Variants in ARHGAP28 observed in about 807,000 individuals in gnomAD.
ARHGAP28 encodes rho GTPase-activating protein 28.
ARHGAP28 carries 56 observed loss-of-function variants against 90.7 expected under a neutral mutation model. The ratio of observed to expected loss-of-function variants is 0.62; its 90% CI spans 0.50 to 0.77. ARHGAP28 has a LOEUF of 0.77. ARHGAP28 is among the 30% of genes least tolerant of loss of function. The pLI, the probability that ARHGAP28 is intolerant of heterozygous loss-of-function variation, is 0.00. For missense variants in ARHGAP28, 869 were observed against 900.9 expected, an observed-to-expected ratio of 0.96 and a Z score of 0.45; for synonymous variants, 308 against 323.3, an observed-to-expected ratio of 0.95 and a Z score of 0.51.
intron 1 of ARHGAP28, among the ~76,000 whole-genome samples, chr18:6,760,400 C>G (rs1339787034): frequency 6.6e-6 from 1 of 152,098 alleles, no homozygotes; most frequent in African/African-American, 2.4e-5. Context: ...AAGAAACAAA[C>G]TCAGAATTCA....
intron 9 of ARHGAP28, among the ~76,000 whole-genome samples, chr18:6,874,045 G>A (rs763147722): frequency 6.6e-6 from 1 of 152,088 alleles, no homozygotes; most frequent in Non-Finnish European, 1.5e-5. Flanking sequence ...TCTGACCCAG[G>A]GCACGAACAG....
At chr18:6,839,965 T>C (rs540523765) in intron 3 of ARHGAP28, among the ~76,000 whole-genome samples, 17 of 152,306 alleles carry the variant, frequency 1.1e-4, no homozygotes, top group Admixed American at 5.2e-4. Context: ...CTTTTAAGCA[T>C]TCAGATATGG....
At chr18:6,883,428 G>A (rs575441255) in intron 11 of ARHGAP28, among the ~76,000 whole-genome samples, 7 of 151,984 alleles carry the variant, frequency 4.6e-5, no homozygotes, top group South Asian at 2.1e-4. Flanking sequence ...TAGTAGAGAC[G>A]GGGTTTCGCC....
At chr18:6,809,326 G>A (rs2056540230) in intron 1 of ARHGAP28, among the ~76,000 whole-genome samples, 1 of 152,086 alleles carries the variant, frequency 6.6e-6, no homozygotes. Flanking sequence ...CTACGTACCT[G>A]CACAAATGAC....
At chr18:6,886,312 A>G (rs908902092) in intron 11 of ARHGAP28, among the ~76,000 whole-genome samples, 10 of 152,180 alleles carry the variant, frequency 6.6e-5, no homozygotes, top group African/African-American at 2.4e-4. Context: ...TGAAGAAAAT[A>G]CAGAGGGACA....
intron 1 of ARHGAP28, chr18:6,730,179 A>G (rs1003324497): frequency 3.1e-6 from 1 of 323,556 alleles, no homozygotes; most frequent in African/African-American, 2.7e-5. Flanking sequence ...ATTAGCAAGC[A>G]GCAGGATTGC....
At position 6,742,046 on chromosome 18, in the gene ARHGAP28, A is replaced by G. The variant is rs2055982212; in HGVS notation, c.122+12103A>G. Among the ~76,000 whole-genome samples, 3 of 152,216 alleles carry G rather than the reference A, an allele frequency of 2.0e-5. No homozygotes were observed. The South Asian group carries it at 6.2e-4, about 32-fold the overall frequency. On this transcript the variant is annotated intron_variant, in intron 1 of 17. Coordinates refer to ENST00000383472, the MANE Select transcript of ARHGAP28 (RefSeq NM_001366230.1). ...CTCAGCTGGAATTGTGGGAATATGG[A>G]TGGAAGGGACCGAAGGATTCCATGG...
intron 2 of ARHGAP28, among the ~76,000 whole-genome samples, chr18:6,827,531 C>T (rs1260676673): frequency 2.9e-5 from 4 of 137,058 alleles, no homozygotes; most frequent in South Asian, 2.4e-4. Flanking sequence ...GGCGGCTGAC[C>T]GGGCGGGGGG....
intron 1 of ARHGAP28, among the ~76,000 whole-genome samples, chr18:6,745,771 C>T (rs1468993003): frequency 6.6e-6 from 1 of 152,204 alleles, no homozygotes; most frequent in Admixed American, 6.5e-5. Context: ...GGTTCACACA[C>T]ATCATTTCAT....
chr18:6,905,978 G>A (rs898505320), intron 16 of ARHGAP28, among the ~76,000 whole-genome samples: 2 of 152,048 alleles, frequency 1.3e-5, no homozygotes, highest in African/African-American at 4.8e-5. Context: ...ATTGATCTAT[G>A]AGTTTAATGC....
At chr18:6,839,506 C>A (rs1302460613) in intron 3 of ARHGAP28, among the ~76,000 whole-genome samples, 1 of 152,058 alleles carries the variant, frequency 6.6e-6, no homozygotes, top group Non-Finnish European at 1.5e-5. Context: ...ACCCTGTTAG[C>A]CAGGATGGTC....
At chr18:6,776,135 T>C (rs1490353650) in intron 1 of ARHGAP28, among the ~76,000 whole-genome samples, 1 of 151,958 alleles carries the variant, frequency 6.6e-6, no homozygotes, top group Admixed American at 6.6e-5. Context: ...AAAATAACAA[T>C]ATAGCCCCTG....
intron 10 of ARHGAP28, among the ~76,000 whole-genome samples, chr18:6,877,986 G>A (rs982688218): frequency 1.3e-5 from 2 of 151,988 alleles, no homozygotes; most frequent in Non-Finnish European, 2.9e-5. Flanking sequence ...ATGTGTGTGT[G>A]TGTATGTATG....
chr18:6,760,856 A>G (rs573428163), intron 1 of ARHGAP28, among the ~76,000 whole-genome samples: 2 of 152,268 alleles, frequency 1.3e-5, no homozygotes, highest in South Asian at 4.1e-4. Context: ...TGGGCCTTGT[A>G]CTTTCCTGGA....
intron 1 of ARHGAP28, among the ~76,000 whole-genome samples, chr18:6,809,675 C>G (rs777821044): frequency 6.6e-6 from 1 of 152,104 alleles, no homozygotes; most frequent in Admixed American, 6.6e-5. Flanking sequence ...CATGAAACAT[C>G]GCTAGGGAGA....
chr18:6,813,999 A>T (rs1324409005), intron 1 of ARHGAP28, among the ~76,000 whole-genome samples: 2 of 152,102 alleles, frequency 1.3e-5, no homozygotes, highest in African/African-American at 4.8e-5. Flanking sequence ...GCCTTCTCAA[A>T]GTCAGCCAAT....
At chr18:6,737,551 A>G (rs998786587) in intron 1 of ARHGAP28, among the ~76,000 whole-genome samples, 10 of 152,200 alleles carry the variant, frequency 6.6e-5, no homozygotes, top group African/African-American at 2.4e-4. Flanking sequence ...TTAAAGGACT[A>G]AAGTGTATAC....
At chr18:6,907,762 C>T (rs2057371931) in intron 16 of ARHGAP28, among the ~76,000 whole-genome samples, 1 of 152,138 alleles carries the variant, frequency 6.6e-6, no homozygotes, top group South Asian at 2.1e-4. Context: ...ACATTCTGGT[C>T]ATGATACTGC....
chr18:6,823,265 A>G (rs2056637934), intron 1 of ARHGAP28, among the ~76,000 whole-genome samples: 1 of 151,738 alleles, frequency 6.6e-6, no homozygotes, highest in Non-Finnish European at 1.5e-5. Context: ...CTTTCTGTCT[A>G]TGAATTTGAC....
Sources: gnomAD v4.1 joint callset for allele counts (sites outside exome capture counted in the v4.1 genomes callset) on GRCh38, gnomAD v4.1.1 for gene constraint, MANE v1.5 for transcripts, NCBI Gene and HGNC (gene_info 2026-07-23, HGNC 2026-07-21) for gene names.